The following TET1 variants were observed in gnomAD, a reference collection of about 807,000 sequenced individuals.
TET1 encodes tet methylcytosine dioxygenase 1.
A neutral mutation model predicts 148.7 loss-of-function variants in TET1; 13 were observed. The observed-to-expected ratio is 0.09, with a 90% CI of 0.06 to 0.14. The LOEUF is 0.14. Ranked by LOEUF, TET1 falls within the 10% of genes least tolerant of loss-of-function variation. The probability of loss-of-function intolerance (pLI) is 1.00; values close to 1 mark genes in which losing one functional copy is unlikely to be tolerated. For synonymous variants in TET1, 907 were observed against 937.2 expected (o/e 0.97, Z 0.59); for missense variants, 2,182 against 2,553.8 (o/e 0.85, Z 3.14).
intron 1 of TET1, among the ~76,000 whole-genome samples, chr10:68,566,207 A>T (rs907810985): frequency 2.6e-5 from 4 of 152,176 alleles, no homozygotes; most frequent in African/African-American, 9.7e-5. Context: ...TTTGTGGCTG[A>T]TTTACAATGA....
intron 2 of TET1, among the ~76,000 whole-genome samples, chr10:68,584,138 C>A (rs1017304258): frequency 6.6e-6 from 1 of 151,214 alleles, no homozygotes; most frequent in Non-Finnish European, 1.5e-5. Context: ...CTCCCAGGTT[C>A]AAGCGATTCT....
chr10:68,651,704 C>T (rs998697391), intron 4 of TET1, 142 bp from the exon 5 acceptor site: 7 of 515,158 alleles, frequency 1.4e-5, no homozygotes, highest in South Asian at 4.6e-5. Flanking sequence ...TTGTCCTTGC[C>T]TTTAATTATC....
At position 68,646,124 on chromosome 10, in the gene TET1, A is replaced by G. The variant is rs924248684; in HGVS notation, c.3395A>G (p.His1132Arg). Residue 1132 changes from histidine to arginine, a missense_variant, in exon 4 of 12, where the codon CAC becomes CGC. This residue lies in a region of TET1 where 582 missense variants were observed against 599.5 expected (regional missense o/e 0.97). Transcript: ENST00000373644. Reference sequence around the variant, plus strand: ...CAACAGAAACCACCTTCAAGTGTACACAATAATCATGGTTCATCATTAACA... The same window carrying G: ...CAACAGAAACCACCTTCAAGTGTACGCAATAATCATGGTTCATCATTAACA... ...TIQQKPPSSV[H>R]NNHGSSLTKQ... 1 of 1,613,650 alleles carries G rather than the reference A, an allele frequency of 6.2e-7. No individual in the cohort carries two copies. Among genetic ancestry groups the G allele is most frequent in the Non-Finnish European group, 8.5e-7 (1 of 1,179,914 alleles).
At chr10:68,580,313 ATTTTTT>A (rs1163318028) in intron 2 of TET1, among the ~76,000 whole-genome samples, 2 of 60,400 alleles carry the variant, frequency 3.3e-5, no homozygotes, top group African/African-American at 1.4e-4. Flanking sequence ...ATTATATTCA[ATTTTTT>A]TTTTTTTTTT....
intron 1 of TET1, among the ~76,000 whole-genome samples, chr10:68,564,599 T>C (rs2053587397): frequency 6.6e-6 from 1 of 152,212 alleles, no homozygotes; most frequent in African/African-American, 2.4e-5. Context: ...TAATTGCACA[T>C]GATTCCCTTC....
chr10:68,571,757 T>C (rs1012804116), intron 1 of TET1, among the ~76,000 whole-genome samples: 1 of 152,122 alleles, frequency 6.6e-6, no homozygotes, highest in Non-Finnish European at 1.5e-5. Context: ...ACTCCTGGCC[T>C]CAAGTCATCT....
intron 1 of TET1, among the ~76,000 whole-genome samples, chr10:68,560,944 C>A (rs1286644425): frequency 6.6e-6 from 1 of 152,188 alleles, no homozygotes; most frequent in Non-Finnish European, 1.5e-5. Flanking sequence ...GCTTTTGTTG[C>A]CGGAGATAAA....
rs189952492 is a variant in TET1, at chr10:68,639,066, A to G, written c.1969-5632A>G. On this transcript the variant is annotated intron_variant, in intron 3 of 11. Transcript: ENST00000373644. ...ATAATTTTTAAAAGTGATATGAAAT[A>G]TAACTAATAAAAAAGTTCAAGGGTT... Among the ~76,000 whole-genome samples, 500 of 127,408 alleles carry G rather than the reference A, an allele frequency of 3.9e-3. 1 individual carries two copies. The highest frequency in any genetic ancestry group is 0.014 in the African/African-American group (472 of 33,800). The allele number at this position is 127,408 out of a possible 152,430, so 83.6% of individuals were successfully genotyped here.
At chr10:68,641,897 C>G (rs140364439) in intron 3 of TET1, among the ~76,000 whole-genome samples, 1 of 152,300 alleles carries the variant, frequency 6.6e-6, no homozygotes, top group Non-Finnish European at 1.5e-5. Context: ...CTCCAAGTCT[C>G]AAGGGATCCT....
At chr10:68,580,161 C>A (rs2053776283) in intron 2 of TET1, among the ~76,000 whole-genome samples, 1 of 151,770 alleles carries the variant, frequency 6.6e-6, no homozygotes, top group Admixed American at 6.6e-5. Context: ...CTCCTCTCCT[C>A]AGGTGATCCA....
intron 3 of TET1, among the ~76,000 whole-genome samples, chr10:68,640,424 CA>C (rs2054728653): frequency 1.3e-5 from 2 of 150,964 alleles, no homozygotes. Flanking sequence ...CCACCGTGTC[CA>C]GCTAATTTTT....
intron 3 of TET1, among the ~76,000 whole-genome samples, chr10:68,619,381 C>T (rs1037816128): frequency 1.3e-5 from 2 of 152,064 alleles, no homozygotes; most frequent in East Asian, 1.9e-4. Flanking sequence ...ACATGCTCAC[C>T]ACCACACCTG....
chr10:68,676,982 A>G (rs1381466553), intron 8 of TET1, among the ~76,000 whole-genome samples: 1 of 152,234 alleles, frequency 6.6e-6, no homozygotes, highest in Admixed American at 6.5e-5. Context: ...AAGCATAATC[A>G]AAGCAAACGC....
intron 3 of TET1, chr10:68,632,340 G>T: frequency 6.4e-7 from 1 of 1,562,532 alleles, no homozygotes; most frequent in Non-Finnish European, 8.8e-7. Context: ...AAGAAAGGGT[G>T]CAGGGCGGGT....
chr10:68,661,863 T>A (rs67269587), intron 6 of TET1, among the ~76,000 whole-genome samples: 25,118 of 139,468 alleles, frequency 0.18, 2,779 homozygotes, highest in African/African-American at 0.31. Context: ...TTTTTTAATT[T>A]AAAAAAAATT....
At position 68,693,657 on chromosome 10, in the gene TET1, C is replaced by T. The variant is rs766151734; in HGVS notation, c.*1843C>T. On this transcript the variant is annotated 3_prime_UTR_variant, in exon 12 of 12. Transcript: ENST00000373644. The stretch of plus-strand genomic sequence containing the variant: ...TAGTATTTTGTGTGCCTTAGATTTC[C>T]GTTTTAAGACATGTATATTTTTGTG... 13 of 231,730 alleles carry T rather than the reference C, an allele frequency of 5.6e-5. No homozygotes were observed. Among genetic ancestry groups the T allele is most frequent in the Non-Finnish European group, 9.4e-5 (11 of 117,396 alleles). The allele number at this position is 231,730 out of a possible 1,614,324, so 14.4% of individuals were successfully genotyped here.
At chr10:68,603,509 ATG>A (rs1554934062) in intron 3 of TET1, among the ~76,000 whole-genome samples, 142 of 151,888 alleles carry the variant, frequency 9.3e-4, no homozygotes, top group African/African-American at 3.2e-3. Context: ...GATGACTCAT[ATG>A]TGTAATCCCA....
chr10:68,648,939 T>C (rs1188694228), intron 4 of TET1, among the ~76,000 whole-genome samples: 1 of 152,204 alleles, frequency 6.6e-6, no homozygotes, highest in Non-Finnish European at 1.5e-5. Context: ...AACTGCAATG[T>C]GCCAGTTATC....
At position 68,692,858 on chromosome 10, in the gene TET1, G is replaced by T; in HGVS notation, c.*1044G>T. On this transcript the variant is annotated 3_prime_UTR_variant, in exon 12 of 12. Coordinates refer to ENST00000373644, the MANE Select transcript of TET1 (RefSeq NM_030625.3). ...AGGGAACAGGATAGGTTTCAGAAGAGTCAAATGCTTCTAATGTCTCAAGGT... is the reference window on the plus strand; with the variant it reads ...AGGGAACAGGATAGGTTTCAGAAGATTCAAATGCTTCTAATGTCTCAAGGT... The T allele has an allele frequency of 4.3e-6, 1 of 231,642 alleles. No homozygotes were observed. Among genetic ancestry groups the T allele is most frequent in the Non-Finnish European group, 8.5e-6 (1 of 117,284 alleles). 14.3% of individuals were successfully genotyped at this position (231,642 alleles called of 1,614,324 possible).
Sources: gnomAD v4.1 joint callset for allele counts (sites outside exome capture counted in the v4.1 genomes callset) on GRCh38, gnomAD v4.1.1 for gene constraint, gnomAD v4.1.1 regional missense constraint, MANE v1.5 for transcripts, NCBI Gene and HGNC (gene_info 2026-07-23, HGNC 2026-07-21) for gene names.